ZNF143: variants seen among roughly 807,000 people sequenced by gnomAD.
ZNF143 encodes zinc finger protein 143, also known as SPH-binding factor.
ZNF143 carries 49 observed loss-of-function variants against 74.1 expected under a neutral mutation model. The observed-to-expected ratio is 0.66, with a 90% CI of 0.53 to 0.84. The LOEUF (loss-of-function observed/expected upper bound fraction) is 0.84, where lower values mean the gene tolerates loss of function less well. Among genes scored for constraint, ZNF143 ranks in the 40% least tolerant of loss-of-function variants. The pLI is 0.00. For missense variants in ZNF143, 637 were observed against 793.4 expected, an observed-to-expected ratio of 0.80 and a Z score of 2.37; for synonymous variants, 304 against 282.8, an observed-to-expected ratio of 1.07 and a Z score of -0.75.
intron 8 of ZNF143, among the ~76,000 whole-genome samples, chr11:9,495,250 C>T (rs972549357): frequency 1.3e-5 from 2 of 152,090 alleles, no homozygotes; most frequent in Non-Finnish European, 2.9e-5. Flanking sequence ...TCAAGAACAG[C>T]CTGACCAACA....
chr11:9,477,907 C>T (rs953049389), intron 5 of ZNF143, among the ~76,000 whole-genome samples: 5 of 152,138 alleles, frequency 3.3e-5, no homozygotes, highest in Non-Finnish European at 5.9e-5. Flanking sequence ...CTCACTGCAA[C>T]CTCTGCCTCC....
chr11:9,506,909 G>C (rs1011024117), intron 11 of ZNF143, among the ~76,000 whole-genome samples: 10 of 151,736 alleles, frequency 6.6e-5, no homozygotes, highest in African/African-American at 2.4e-4. Context: ...AAATCCATTC[G>C]CCTCTTGGCT....
At chr11:9,523,684 A>G (rs1395757245) in intron 14 of ZNF143, among the ~76,000 whole-genome samples, 1 of 151,574 alleles carries the variant, frequency 6.6e-6, no homozygotes, top group African/African-American at 2.4e-5. Flanking sequence ...CAGTGAGCCA[A>G]GACGGCGCCA....
At chr11:9,515,235 A>G (rs1848681260) in intron 13 of ZNF143, among the ~76,000 whole-genome samples, 1 of 152,148 alleles carries the variant, frequency 6.6e-6, no homozygotes, top group Non-Finnish European at 1.5e-5. Flanking sequence ...AACATAGAGG[A>G]TGGTTAGGGA....
chr11:9,493,173 G>T (rs1489161385), intron 7 of ZNF143, among the ~76,000 whole-genome samples: 3 of 150,968 alleles, frequency 2.0e-5, no homozygotes, highest in African/African-American at 7.3e-5. Flanking sequence ...AGGTTCAAGC[G>T]ATTCTCCTGC....
At chr11:9,472,958 T>C (rs1856672529) in intron 3 of ZNF143, among the ~76,000 whole-genome samples, 189 bp downstream of exon 3, 1 of 151,758 alleles carries the variant, frequency 6.6e-6, no homozygotes, top group Non-Finnish European at 1.5e-5. Context: ...CTTTGAGATA[T>C]TTGGAAGATA....
At chr11:9,500,297 G>T (rs891197873) in intron 10 of ZNF143, among the ~76,000 whole-genome samples, 1 of 150,748 alleles carries the variant, frequency 6.6e-6, no homozygotes, top group Non-Finnish European at 1.5e-5. Flanking sequence ...TGTCCAGCAG[G>T]TATTTTTGAC....
chr11:9,515,522 T>C (rs1848691851), intron 13 of ZNF143, among the ~76,000 whole-genome samples: 1 of 151,586 alleles, frequency 6.6e-6, no homozygotes, highest in South Asian at 2.1e-4. Context: ...GGCGTGGTGG[T>C]GGGCTCCTGT....
chr11:9,522,297 C>A (rs1848960056), intron 14 of ZNF143, among the ~76,000 whole-genome samples: 1 of 152,000 alleles, frequency 6.6e-6, no homozygotes, highest in African/African-American at 2.4e-5. Context: ...GTAGCTGGGA[C>A]CCAGGCTGGC....
In ZNF143 at chr11:9,471,604, G is replaced by A. The variant is rs7119701; in HGVS notation, c.112+184G>A. ...TTTTACTCTTGTCGCCCAGGCTGGA[G>A]TGCGATGGTCTGCTCTCGGCTCACT... On this transcript the variant is annotated intron_variant, in intron 2 of 15. Coordinates refer to ENST00000396602, the MANE Select transcript of ZNF143 (RefSeq NM_003442.6). 0.018 allele frequency among the ~76,000 whole-genome samples: 2,740 copies of A among 151,862 alleles called. 78 individuals carry two copies. The highest frequency in any genetic ancestry group is 0.062 in the African/African-American group (2,552 of 41,422).
At chr11:9,508,377 T>C (rs549634984) in intron 11 of ZNF143, among the ~76,000 whole-genome samples, 1 of 152,304 alleles carries the variant, frequency 6.6e-6, no homozygotes, top group East Asian at 1.9e-4. Context: ...CTTTTCTCAT[T>C]CCTTGAGATT....
intron 10 of ZNF143, among the ~76,000 whole-genome samples, chr11:9,500,626 G>C (rs552273258): frequency 4.6e-5 from 7 of 152,002 alleles, no homozygotes; most frequent in African/African-American, 1.7e-4. Flanking sequence ...ATAGAGAAAG[G>C]GTTTCACCAT....
chr11:9,476,298 C>A (rs1435454305), intron 5 of ZNF143, among the ~76,000 whole-genome samples: 1 of 152,024 alleles, frequency 6.6e-6, no homozygotes, highest in Non-Finnish European at 1.5e-5. Context: ...GCACTTAGAA[C>A]CGTGCTTGTC....
At chr11:9,485,104 A>AT (rs774681251) in intron 7 of ZNF143, among the ~76,000 whole-genome samples, 8 of 150,556 alleles carry the variant, frequency 5.3e-5, no homozygotes, top group Non-Finnish European at 8.8e-5. Flanking sequence ...GCCGCCAAAG[A>AT]TTTTTTAAGA....
At chr11:9,478,664 G>T (rs1375307865) in intron 6 of ZNF143, 78 bp downstream of exon 6, 1 of 1,513,120 alleles carries the variant, frequency 6.6e-7, no homozygotes, top group Admixed American at 2.0e-5. Context: ...AAACAAAAAA[G>T]TACACCTCAT....
At position 9,514,840 on chromosome 11, in the gene ZNF143, A is replaced by G. The variant is rs1410845085; in HGVS notation, c.1525-1361A>G. ...TGAAAGGTCAGGAATGCTATGTAAG[A>G]AGTCTGGGCTGGGCACAGTGGCCCA... is the stretch of plus-strand genomic sequence containing the variant. On this transcript the variant is annotated intron_variant, in intron 13 of 15. Transcript: ENST00000396602. Among the ~76,000 whole-genome samples the G allele has an allele frequency of 2.6e-5, 4 of 152,318 alleles. No homozygotes were observed. The East Asian group carries it at 7.7e-4, about 29-fold the overall frequency.
At chr11:9,506,998 CTGCCCTTTCTCT>C (rs1848388393) in intron 11 of ZNF143, among the ~76,000 whole-genome samples, 2 of 152,110 alleles carry the variant, frequency 1.3e-5, no homozygotes, top group African/African-American at 4.8e-5. Context: ...TTGAAATTGG[CTGCCCTTTCTCT>C]TGCCCTCACC....
chr11:9,502,970 A>C (rs534767264), intron 11 of ZNF143, among the ~76,000 whole-genome samples: 1 of 152,086 alleles, frequency 6.6e-6, no homozygotes. Flanking sequence ...AGCTGGGACT[A>C]TAGGCGCCTG....
At chr11:9,497,137 G>A (rs557844395) in intron 9 of ZNF143, among the ~76,000 whole-genome samples, 1 of 152,270 alleles carries the variant, frequency 6.6e-6, no homozygotes, top group African/African-American at 2.4e-5. Flanking sequence ...ATAAAACTGA[G>A]GCACTTTAGA....
Sources: allele counts gnomAD v4.1 joint callset (sites outside exome capture counted in the v4.1 genomes callset), GRCh38; gene constraint gnomAD v4.1.1; transcripts MANE v1.5; gene names NCBI Gene and HGNC (gene_info 2026-07-23, HGNC 2026-07-21).